SPSB4: variants seen among roughly 807,000 people sequenced by gnomAD.
SPSB4 encodes splA/ryanodine receptor domain and SOCS box containing 4, also known as SPRY domain-containing SOCS box protein 4.
SPSB4 carries 21 observed loss-of-function variants against 20.9 expected under a neutral mutation model. That is an observed-to-expected ratio of 1.01 (90% confidence interval 0.71 to 1.45). The LOEUF is 1.45. Ranked by LOEUF, SPSB4 falls within the 40% of genes most tolerant of loss-of-function variation. The pLI, the probability that SPSB4 is intolerant of heterozygous loss-of-function variation, is 0.00. For missense variants in SPSB4, 399 were observed against 399.2 expected, an observed-to-expected ratio of 1.00 and a Z score of 0.00; for synonymous variants, 207 against 183.8, an observed-to-expected ratio of 1.13 and a Z score of -1.02.
chr3:141,082,886 G>C (rs1349761309), intron 2 of SPSB4, among the ~76,000 whole-genome samples: 1 of 152,074 alleles, frequency 6.6e-6, no homozygotes. Flanking sequence ...GCTGCACCAG[G>C]CTTTCTAAAT....
Position 141,079,035 on chromosome 3 carries a change from G to A in SPSB4, c.694+12237G>A. Reference sequence around the variant, plus strand: ...CCAGCACTTTGGGAGGCCGAGGTGGGCGGATCACAAGGTCAGGAGATTGAG... The same window carrying A: ...CCAGCACTTTGGGAGGCCGAGGTGGACGGATCACAAGGTCAGGAGATTGAG... On this transcript the variant is annotated intron_variant, in intron 2 of 2. Transcript: ENST00000310546. Among the ~76,000 whole-genome samples, 2 of 152,172 alleles carry A rather than the reference G, an allele frequency of 1.3e-5. 1 individual carries two copies. Among genetic ancestry groups the A allele is most frequent in the Non-Finnish European group, 2.9e-5 (2 of 68,022 alleles).
At chr3:141,131,471 T>A (rs1468773241) in intron 2 of SPSB4, among the ~76,000 whole-genome samples, 1 of 151,836 alleles carries the variant, frequency 6.6e-6, no homozygotes, top group Admixed American at 6.6e-5. Context: ...CAGCAGAAAA[T>A]TCCAGCCCCC....
intron 2 of SPSB4, among the ~76,000 whole-genome samples, chr3:141,128,021 C>T (rs1214807436): frequency 6.6e-6 from 1 of 152,132 alleles, no homozygotes; most frequent in Non-Finnish European, 1.5e-5. Context: ...AATTGTTCAA[C>T]TGGATGAGGA....
At chr3:141,108,655 A>G (rs1253921349) in intron 2 of SPSB4, among the ~76,000 whole-genome samples, 1 of 152,236 alleles carries the variant, frequency 6.6e-6, no homozygotes, top group Non-Finnish European at 1.5e-5. Flanking sequence ...GGGTAGCCAC[A>G]CAAGTAACAA....
At chr3:141,096,577 G>A (rs1009369814) in intron 2 of SPSB4, among the ~76,000 whole-genome samples, 1 of 152,166 alleles carries the variant, frequency 6.6e-6, no homozygotes, top group African/African-American at 2.4e-5. Context: ...CTAGAGTATG[G>A]AGACCATTTG....
intron 2 of SPSB4, among the ~76,000 whole-genome samples, chr3:141,100,682 G>A (rs904233246): frequency 6.6e-5 from 10 of 152,214 alleles, no homozygotes; most frequent in African/African-American, 2.2e-4. Flanking sequence ...CAGCCAGTGT[G>A]AAGCAAAGGT....
At chr3:141,137,345 G>T (rs1001677341) in intron 2 of SPSB4, among the ~76,000 whole-genome samples, 5 of 152,146 alleles carry the variant, frequency 3.3e-5, no homozygotes, top group Non-Finnish European at 7.3e-5. Context: ...CTGCCTGATT[G>T]CCCTGTCCAG....
chr3:141,066,202 G>A lies in SPSB4; in HGVS notation c.98G>A (p.Arg33Gln), dbSNP rs1026476200. 4.6e-6 allele frequency: 7 copies of A among 1,530,852 alleles called. No individual in the cohort carries two copies. Among genetic ancestry groups the A allele is most frequent in the Non-Finnish European group, 6.1e-6 (7 of 1,140,864 alleles). 94.8% of individuals were successfully genotyped at this position (1,530,852 alleles called of 1,614,324 possible). A position where few individuals can be genotyped will look rare whatever the true frequency, so the allele number is the denominator to read the frequency against. ...GAGCTGCGGGGTGCAGAGCCCGGGCGGCCGGCGCGGCTGGACCAGCTGTTG... is the reference window on the plus strand; with the variant it reads ...GAGCTGCGGGGTGCAGAGCCCGGGCAGCCGGCGCGGCTGGACCAGCTGTTG... Reference protein sequence around the residue: ...KRELRGAEPGRPARLDQLLDM... With the variant: ...KRELRGAEPGQPARLDQLLDM... Residue 33 changes from arginine (R) to glutamine (Q), a missense_variant, in exon 2 of 3, where the codon CGG becomes CAG. Physicochemically the swap from Arg to Gln is conservative, Grantham distance 43 (BLOSUM62 1). Transcript: ENST00000310546.
chr3:141,147,382 C>T lies in SPSB4; in HGVS notation c.*113C>T. On this transcript the variant is annotated 3_prime_UTR_variant, in exon 3 of 3. Coordinates refer to ENST00000310546, the MANE Select transcript of SPSB4 (RefSeq NM_080862.3). ...AGGATCTACCCTTCTCCTGGCTCCCCAGGACACTCAGTTCTTTCAAAGACC... is the reference window on the plus strand; with the variant it reads ...AGGATCTACCCTTCTCCTGGCTCCCTAGGACACTCAGTTCTTTCAAAGACC... 6.6e-7 allele frequency: 1 copy of T among 1,509,364 alleles called. No homozygotes were observed. Among genetic ancestry groups the T allele is most frequent in the Non-Finnish European group, 8.9e-7 (1 of 1,119,868 alleles). 93.5% of individuals were successfully genotyped at this position (1,509,364 alleles called of 1,614,324 possible).
chr3:141,096,078 G>A (rs1387239934), intron 2 of SPSB4, among the ~76,000 whole-genome samples: 2 of 152,276 alleles, frequency 1.3e-5, no homozygotes, highest in East Asian at 3.9e-4. Flanking sequence ...GACCAGTTGG[G>A]TGAGTGGGGA....
chr3:141,073,952 A>G (rs981620645), intron 2 of SPSB4, among the ~76,000 whole-genome samples: 1 of 152,230 alleles, frequency 6.6e-6, no homozygotes, highest in Non-Finnish European at 1.5e-5. Flanking sequence ...CTCAGTTGAG[A>G]AAAGGCCTCG....
At chr3:141,086,695 T>C (rs990512740) in intron 2 of SPSB4, among the ~76,000 whole-genome samples, 2 of 152,220 alleles carry the variant, frequency 1.3e-5, no homozygotes, top group Non-Finnish European at 2.9e-5. Flanking sequence ...ACTGACAGAA[T>C]AACTGTAAAG....
At chr3:141,134,049 C>CTTTT (rs1939184001) in intron 2 of SPSB4, among the ~76,000 whole-genome samples, 15 of 63,896 alleles carry the variant, frequency 2.3e-4, no homozygotes, top group African/African-American at 7.9e-4. Flanking sequence ...TTTTTTTTTT[C>CTTTT]TTTTTTCTTT....
chr3:141,101,155 G>GC (rs145996740), intron 2 of SPSB4, among the ~76,000 whole-genome samples: 10,399 of 152,186 alleles, frequency 0.068, 375 homozygotes, highest in African/African-American at 0.079. Flanking sequence ...CAGTGAAGGA[G>GC]CCCCCCGAGG....
At chr3:141,076,363 T>C (rs1178929974) in intron 2 of SPSB4, among the ~76,000 whole-genome samples, 1 of 152,258 alleles carries the variant, frequency 6.6e-6, no homozygotes, top group Admixed American at 6.5e-5. Context: ...ATTCTTATAG[T>C]TGCCAATGCA....
intron 1 of SPSB4, among the ~76,000 whole-genome samples, chr3:141,059,820 G>A (rs999040156): frequency 1.3e-5 from 2 of 151,900 alleles, no homozygotes; most frequent in Admixed American, 6.6e-5. Flanking sequence ...GAAGCCCTGT[G>A]ATGTGCCAGA....
At chr3:141,128,776 C>T (rs948404971) in intron 2 of SPSB4, among the ~76,000 whole-genome samples, 6 of 152,130 alleles carry the variant, frequency 3.9e-5, no homozygotes, top group Admixed American at 3.9e-4. Flanking sequence ...GGGGGGATGG[C>T]TCTTTAGCAA....
intron 2 of SPSB4, 47 bp downstream of exon 2, chr3:141,066,845 C>T: frequency 1.3e-6 from 2 of 1,481,954 alleles, no homozygotes; most frequent in Non-Finnish European, 1.8e-6. Context: ...GGCTGCCAGG[C>T]CCTAGGGAAG....
intron 2 of SPSB4, among the ~76,000 whole-genome samples, chr3:141,130,162 C>T (rs151131981): frequency 9.9e-4 from 151 of 152,306 alleles, no homozygotes; most frequent in African/African-American, 3.3e-3. Flanking sequence ...ATACACTTGA[C>T]AATTTGCATG....
Sources: allele counts gnomAD v4.1 joint callset (sites outside exome capture counted in the v4.1 genomes callset), GRCh38; gene constraint gnomAD v4.1.1; transcripts MANE v1.5; gene names NCBI Gene and HGNC (gene_info 2026-07-23, HGNC 2026-07-21).